LIMA1: variants seen among roughly 807,000 people sequenced by gnomAD.
The protein encoded by LIMA1 is LIM domain and actin-binding protein 1.
A neutral mutation model predicts 62.6 loss-of-function variants in LIMA1; 52 were observed. The ratio of observed to expected loss-of-function variants is 0.83; its 90% CI spans 0.67 to 1.05. The LOEUF is 1.05. Among genes scored for constraint, LIMA1 ranks in the 50% least tolerant of loss-of-function variants. The probability of loss-of-function intolerance (pLI) is 0.00; values close to 1 mark genes in which losing one functional copy is unlikely to be tolerated. For synonymous variants in LIMA1, 302 were observed against 317.8 expected (o/e 0.95, Z 0.53); for missense variants, 780 against 902.2 (o/e 0.86, Z 1.74).
chr12:50,234,211 CTTTT>C (rs530660438), intron 2 of LIMA1: 97 of 376,986 alleles, frequency 2.6e-4, no homozygotes, highest in East Asian at 4.3e-4. Flanking sequence ...CCAGAACAAC[CTTTT>C]TTTTTTTTTT....
At chr12:50,242,965 T>G (rs1941798609) in intron 2 of LIMA1, among the ~76,000 whole-genome samples, 1 of 152,200 alleles carries the variant, frequency 6.6e-6, no homozygotes, top group Middle Eastern at 3.2e-3. Flanking sequence ...TCCAAAAATG[T>G]ATGAGTCAAA....
intron 4 of LIMA1, among the ~76,000 whole-genome samples, chr12:50,220,351 C>A (rs191824923): frequency 6.6e-6 from 1 of 152,268 alleles, no homozygotes; most frequent in African/African-American, 2.4e-5. Context: ...TGAGCCACCA[C>A]GCCCGGACTA....
At chr12:50,269,782 TG>T (rs1942182121) in intron 1 of LIMA1, among the ~76,000 whole-genome samples, 1 of 147,332 alleles carries the variant, frequency 6.8e-6, no homozygotes, top group Non-Finnish European at 1.5e-5. Context: ...TAGCCGGGTG[TG>T]GTGGCACATG....
At chr12:50,269,851 C>T (rs1009376766) in intron 1 of LIMA1, among the ~76,000 whole-genome samples, 6 of 140,116 alleles carry the variant, frequency 4.3e-5, no homozygotes, top group African/African-American at 1.1e-4. Context: ...ACCTGGGAGG[C>T]GGGGGTTGCA....
chr12:50,185,452 G>T (rs1351971840), intron 9 of LIMA1: 2 of 456,086 alleles, frequency 4.4e-6, no homozygotes, highest in Admixed American at 2.3e-5. Context: ...GCAGAAGCTG[G>T]AAGAGACAAA....
intron 4 of LIMA1, among the ~76,000 whole-genome samples, chr12:50,216,029 C>T (rs1216546788): frequency 4.1e-5 from 5 of 122,632 alleles, no homozygotes; most frequent in South Asian, 3.2e-4. Flanking sequence ...GGCAACAGAG[C>T]GAGGCTGTCT....
intron 3 of LIMA1, among the ~76,000 whole-genome samples, chr12:50,224,799 A>G (rs1418803506): frequency 1.3e-5 from 2 of 151,910 alleles, no homozygotes; most frequent in African/African-American, 4.8e-5. Flanking sequence ...GTGTAATCAT[A>G]GCTCACTGCA....
In LIMA1 at chr12:50,204,684, A is replaced by G. The variant is rs1941119710; in HGVS notation, c.732T>C (p.Ser244=). Reference sequence around the variant, plus strand: ...TCTCATTTTTCTCCGAGTCAAATGTAGAAGATGACAACTGACCTGGAAGCA... The same window carrying G: ...TCTCATTTTTCTCCGAGTCAAATGTGGAAGATGACAACTGACCTGGAAGCA... ...LEIGPGQLSS[S]TFDSEKNESR... The change falls in exon 6 of 11, where the codon TCT becomes TCC. Residue 244 remains serine, a synonymous_variant. Coordinates refer to ENST00000341247, the MANE Select transcript of LIMA1 (RefSeq NM_016357.5). 2 of 1,614,152 alleles carry G rather than the reference A, an allele frequency of 1.2e-6. No homozygotes were observed. The highest frequency in any genetic ancestry group is 4.5e-5 in the East Asian group (2 of 44,872).
chr12:50,181,930 A>T lies in LIMA1; in HGVS notation c.1248T>A (p.Arg416=), dbSNP rs377210021. Residue 416 remains arginine (R), a synonymous_variant, in exon 10 of 11, where the codon CGT becomes CGA. Transcript: ENST00000341247. The part of the protein sequence containing the change: ...NQQVFHISCF[R]CSYCNNKLSL... ...TGAGTTTGTTGTTGCAATAGGAGCA[A>T]CGGAAGCAGCTGATGTGAAACACCT... The T allele has an allele frequency of 1.2e-6, 2 of 1,613,998 alleles. No homozygotes were observed. The highest frequency in any genetic ancestry group is 1.7e-6 in the Non-Finnish European group (2 of 1,180,038).
intron 1 of LIMA1, among the ~76,000 whole-genome samples, chr12:50,250,728 G>A (rs1008880371): frequency 1.3e-5 from 2 of 152,120 alleles, no homozygotes; most frequent in Non-Finnish European, 2.9e-5. Flanking sequence ...CCTCATGTTG[G>A]AAGGCATAGT....
At chr12:50,234,305 T>G (rs1592542457) in intron 2 of LIMA1, 1 of 322,072 alleles carries the variant, frequency 3.1e-6, no homozygotes, top group South Asian at 2.6e-5. Flanking sequence ...GCTTCCTGGG[T>G]TCAAGTGATT....
chr12:50,193,648 GTGTA>G (rs139697817), intron 8 of LIMA1, among the ~76,000 whole-genome samples: 1,599 of 55,472 alleles, frequency 0.029, 97 homozygotes, highest in African/African-American at 0.1. Flanking sequence ...GTGTGTGTGT[GTGTA>G]TATATATATA....
intron 9 of LIMA1, chr12:50,188,344 C>T (rs564050108): frequency 6.6e-6 from 1 of 152,160 alleles, no homozygotes; most frequent in Non-Finnish European, 1.5e-5. Context: ...GCAGGTCTTC[C>T]TATAAACATT....
At chr12:50,267,162 C>T (rs548347627) in intron 1 of LIMA1, among the ~76,000 whole-genome samples, 3 of 151,890 alleles carry the variant, frequency 2.0e-5, no homozygotes, top group Non-Finnish European at 2.9e-5. Flanking sequence ...CTCCATCTCC[C>T]GGGTTCACGC....
intron 4 of LIMA1, among the ~76,000 whole-genome samples, chr12:50,216,864 AAAAT>A (rs1451054988): frequency 2.0e-5 from 3 of 152,156 alleles, no homozygotes; most frequent in African/African-American, 7.2e-5. Flanking sequence ...CTCTGTTTCA[AAAAT>A]AAATAAATAA....
At chr12:50,247,346 T>C (rs1213924978) in intron 2 of LIMA1, among the ~76,000 whole-genome samples, 1 of 151,890 alleles carries the variant, frequency 6.6e-6, no homozygotes, top group Non-Finnish European at 1.5e-5. Flanking sequence ...CCCCCTTTTC[T>C]TCCCTCCTTC....
intron 1 of LIMA1, among the ~76,000 whole-genome samples, chr12:50,265,146 G>T (rs1339800192): frequency 6.8e-6 from 1 of 146,866 alleles, no homozygotes; most frequent in African/African-American, 2.5e-5. Flanking sequence ...GAGTGAGACC[G>T]TCTCAAAAAA....
At position 50,177,238 on chromosome 12, in the gene LIMA1, G is replaced by C. The variant is rs767301073; in HGVS notation, c.2106C>G (p.Pro702=). The part of the protein sequence containing the change: ...SFLKQQSPQE[P]KSLNWSSFVD... Reference sequence around the variant, plus strand: ...CAAAACTCGACCAATTCAGAGACTTGGGTTCTTGTGGAGATTGTTGTTTGA... The same window carrying C: ...CAAAACTCGACCAATTCAGAGACTTCGGTTCTTGTGGAGATTGTTGTTTGA... Residue 702 remains proline, a synonymous_variant, in exon 11 of 11, where the codon CCC becomes CCG. Transcript: ENST00000341247. The C allele has an allele frequency of 7.4e-6, 12 of 1,613,908 alleles. No homozygotes were observed. The African/African-American group carries it at 1.5e-4, about 20-fold the overall frequency.
At chr12:50,231,172 CAG>C (rs1449263025) in intron 3 of LIMA1, among the ~76,000 whole-genome samples, 1 of 152,116 alleles carries the variant, frequency 6.6e-6, no homozygotes, top group Non-Finnish European at 1.5e-5. Context: ...CGGGTAGAAG[CAG>C]AGAGTTTATT....
Sources: gnomAD v4.1 joint callset for allele counts (sites outside exome capture counted in the v4.1 genomes callset) on GRCh38, gnomAD v4.1.1 for gene constraint, MANE v1.5 for transcripts, NCBI Gene and HGNC (gene_info 2026-07-23, HGNC 2026-07-21) for gene names.